TDRP: variants seen among roughly 807,000 people sequenced by gnomAD.
TDRP encodes the protein testis development-related protein.
A neutral mutation model predicts 10.5 loss-of-function variants in TDRP; 12 were observed. The observed-to-expected ratio is 1.15, with a 90% CI of 0.73 to 1.86. The LOEUF (loss-of-function observed/expected upper bound fraction) is 1.86. Among genes scored for constraint, TDRP ranks in the 40% most tolerant of loss-of-function variants. The pLI is 0.00. For synonymous variants in TDRP, 139 were observed against 95.4 expected, an observed-to-expected ratio of 1.46 and a Z score of -2.67; for missense variants, 353 against 229.2, an observed-to-expected ratio of 1.54 and a Z score of -3.49.
At chr8:510,806 G>C (rs1318525679) in intron 1 of TDRP, among the ~76,000 whole-genome samples, 2 of 152,142 alleles carry the variant, frequency 1.3e-5, no homozygotes, top group Non-Finnish European at 2.9e-5. Context: ...AAGTGCACCG[G>C]TAATGGTAAT....
Position 492,047 on chromosome 8 carries a change from G to T in TDRP, c.*352C>A. The T allele has an allele frequency of 8.9e-7, 1 of 1,129,830 alleles. No homozygotes were observed. Among genetic ancestry groups the T allele is most frequent in the Non-Finnish European group, 1.1e-6 (1 of 924,244 alleles). 70.0% of individuals were successfully genotyped at this position (1,129,830 alleles called of 1,614,324 possible). A position where few individuals can be genotyped will look rare whatever the true frequency, so the allele number is the denominator to read the frequency against. On this transcript the variant is annotated 3_prime_UTR_variant, in exon 3 of 3. Coordinates refer to ENST00000324079, the MANE Select transcript of TDRP (RefSeq NM_001384899.1). ...TACAAGAAAAAGGTACGGAAGTTCT[G>T]AAACAGAACTACAACACAGAGCAGC...
chr8:540,853 G>C (rs1802472715), intron 1 of TDRP, among the ~76,000 whole-genome samples: 1 of 146,804 alleles, frequency 6.8e-6, no homozygotes, highest in Admixed American at 6.8e-5. Flanking sequence ...GTTCAAGAAA[G>C]GCAACAGGAC....
chr8:544,280 G>T (rs1425600177), intron 1 of TDRP, among the ~76,000 whole-genome samples: 1 of 151,898 alleles, frequency 6.6e-6, no homozygotes, highest in African/African-American at 2.4e-5. Flanking sequence ...CCGGGCCCAC[G>T]ACGCCCGCGC....
At chr8:498,771 G>A (rs559191982) in intron 1 of TDRP, among the ~76,000 whole-genome samples, 2 of 152,310 alleles carry the variant, frequency 1.3e-5, no homozygotes, top group African/African-American at 2.4e-5. Flanking sequence ...ACATGTCAGG[G>A]AAGGGACCTG....
intron 1 of TDRP, among the ~76,000 whole-genome samples, chr8:515,684 TGACAATTAATTGTTAAGTTATAATCAA>T (rs1801739954): frequency 6.6e-6 from 1 of 152,146 alleles, no homozygotes; most frequent in African/African-American, 2.4e-5. Context: ...TACTACTTAC[TGACAATTAATTGTTAAGTTATAATCAA>T]GACAATGCAT....
intron 1 of TDRP, among the ~76,000 whole-genome samples, chr8:522,650 G>C (rs1801935746): frequency 6.6e-6 from 1 of 152,184 alleles, no homozygotes; most frequent in African/African-American, 2.4e-5. Flanking sequence ...TTAAAAGGTA[G>C]CTTGACTCTT....
chr8:531,464 C>A (rs1351859211), intron 1 of TDRP, among the ~76,000 whole-genome samples: 1 of 152,160 alleles, frequency 6.6e-6, no homozygotes. Context: ...TCCATAGGAT[C>A]TGTGCTAATT....
intron 1 of TDRP, among the ~76,000 whole-genome samples, chr8:528,295 T>C (rs1023841850): frequency 6.6e-6 from 1 of 152,190 alleles, no homozygotes; most frequent in Admixed American, 6.5e-5. Flanking sequence ...AGGAAACCGT[T>C]GTACACTATT....
At chr8:504,672 G>GT (rs1430942663) in intron 1 of TDRP, among the ~76,000 whole-genome samples, 5 of 152,190 alleles carry the variant, frequency 3.3e-5, no homozygotes, top group Non-Finnish European at 5.9e-5. Flanking sequence ...GGCAATTCTT[G>GT]TAAGAATCAC....
intron 1 of TDRP, among the ~76,000 whole-genome samples, chr8:497,114 G>A (rs1208755850): frequency 3.3e-5 from 5 of 152,226 alleles, no homozygotes; most frequent in Non-Finnish European, 7.3e-5. Context: ...AAAGATACCT[G>A]AAAACGTGGA....
rs149388015 is a variant in TDRP at position 507,055 on chromosome 8, T to C, written c.109-12458A>G. Among the ~76,000 whole-genome samples, 524 of 152,226 alleles carry C rather than the reference T, an allele frequency of 3.4e-3. 3 individuals are homozygous for C. The highest frequency in any genetic ancestry group is 0.011 in the African/African-American group (473 of 41,530). ...GGAAGCTTTGGGAAACTTACAATCATGGCGGAAGGCAAAGGGGAGGCAGGC... is the reference window on the plus strand; with the variant it reads ...GGAAGCTTTGGGAAACTTACAATCACGGCGGAAGGCAAAGGGGAGGCAGGC... On this transcript the variant is annotated intron_variant, in intron 1 of 2. Coordinates refer to ENST00000324079, the MANE Select transcript of TDRP (RefSeq NM_001384899.1).
intron 1 of TDRP, among the ~76,000 whole-genome samples, chr8:495,867 G>C (rs1340969347): frequency 6.6e-6 from 1 of 152,178 alleles, no homozygotes; most frequent in Admixed American, 6.5e-5. Flanking sequence ...AAAGGGCAGA[G>C]ATGACCCTGA....
chr8:504,376 G>A (rs890263953), intron 1 of TDRP, among the ~76,000 whole-genome samples: 5 of 152,128 alleles, frequency 3.3e-5, no homozygotes, highest in African/African-American at 7.2e-5. Context: ...ACCTGGGGGT[G>A]CAGCAATAAA....
intron 1 of TDRP, among the ~76,000 whole-genome samples, chr8:531,615 A>C (rs557603686): frequency 6.6e-6 from 1 of 152,344 alleles, no homozygotes; most frequent in Non-Finnish European, 1.5e-5. Context: ...TGCCATCTTT[A>C]ATCACAGTTA....
intron 1 of TDRP, among the ~76,000 whole-genome samples, chr8:502,368 A>G (rs928266615): frequency 3.3e-5 from 5 of 152,202 alleles, no homozygotes; most frequent in African/African-American, 1.2e-4. Flanking sequence ...GGCCACAGGA[A>G]GGCCCGCAGC....
Position 544,685 on chromosome 8 carries a change from G to A in TDRP, c.73C>T (p.Pro25Ser), listed in dbSNP as rs1563136096. 2.4e-6 allele frequency: 3 copies of A among 1,244,284 alleles called. No individual in the cohort carries two copies. The highest frequency in any genetic ancestry group is 1.6e-5 in the African/African-American group (1 of 64,326). The allele number at this position is 1,244,284 out of a possible 1,614,324, so 77.1% of individuals were successfully genotyped here. A position where few individuals can be genotyped will look rare whatever the true frequency, so the allele number is the denominator to read the frequency against. The change falls in exon 1 of 3, where the codon CCG (proline) becomes TCG (serine). Residue 25 changes from proline to serine, a missense_variant. Pro to Ser is a moderately conservative substitution (Grantham distance 74). Coordinates refer to ENST00000324079, the MANE Select transcript of TDRP (RefSeq NM_001384899.1). The part of the protein sequence containing the change: ...PEEEDGLRGG[P>S]PPAAAAAAQA... ...GCGGCGGCGGCGGCGGCCGGTGGCG[G>A]CCCCCCACGCAGGCCGTCCTCCTCC...
chr8:523,914 C>T (rs1286090359), intron 1 of TDRP, among the ~76,000 whole-genome samples: 1 of 152,162 alleles, frequency 6.6e-6, no homozygotes, highest in East Asian at 1.9e-4. Context: ...GCTGACTTCA[C>T]CACCTGCTGA....
At chr8:515,185 G>C (rs374106725) in intron 1 of TDRP, among the ~76,000 whole-genome samples, 3 of 152,106 alleles carry the variant, frequency 2.0e-5, no homozygotes, top group Non-Finnish European at 2.9e-5. Context: ...CCAAGTACAA[G>C]CACACTGATA....
intron 1 of TDRP, among the ~76,000 whole-genome samples, chr8:526,946 G>T (rs1015798942): frequency 6.6e-6 from 1 of 152,010 alleles, no homozygotes; most frequent in African/African-American, 2.4e-5. Flanking sequence ...TCTTATACTT[G>T]GAAAAACCTA....
Sources: allele counts gnomAD v4.1 joint callset (sites outside exome capture counted in the v4.1 genomes callset), GRCh38; gene constraint gnomAD v4.1.1; transcripts MANE v1.5; gene names NCBI Gene and HGNC (gene_info 2026-07-23, HGNC 2026-07-21).